SGCZ: variants seen among roughly 807,000 people sequenced by gnomAD.
SGCZ encodes sarcoglycan zeta.
SGCZ carries 40 observed loss-of-function variants against 41.3 expected under a neutral mutation model. The ratio of observed to expected loss-of-function variants is 0.97; its 90% CI spans 0.75 to 1.26. SGCZ has a LOEUF of 1.26. SGCZ is among the 50% of genes most tolerant of loss of function. The pLI, the probability that SGCZ is intolerant of heterozygous loss-of-function variation, is 0.00. For missense variants in SGCZ, 552 were observed against 369.8 expected (o/e 1.49, Z -4.04); for synonymous variants, 206 against 137.5 (o/e 1.50, Z -3.49).
chr8:14,373,604 C>A (rs528684521), intron 2 of SGCZ, among the ~76,000 whole-genome samples: 2 of 152,006 alleles, frequency 1.3e-5, no homozygotes, highest in African/African-American at 2.4e-5. Context: ...AAAACAAAAT[C>A]AAAAACAATT....
intron 1 of SGCZ, among the ~76,000 whole-genome samples, chr8:14,934,950 C>T (rs1317493498): frequency 4.0e-5 from 6 of 149,790 alleles, no homozygotes; most frequent in Non-Finnish European, 7.4e-5. Flanking sequence ...TTCAAAGCCC[C>T]TCAACTTAGA....
intron 1 of SGCZ, among the ~76,000 whole-genome samples, chr8:14,654,806 A>C (rs751440278): frequency 2.6e-5 from 4 of 151,838 alleles, no homozygotes; most frequent in Admixed American, 6.6e-5. Flanking sequence ...AGGTCTCATA[A>C]TTTTGTCATA....
intron 1 of SGCZ, among the ~76,000 whole-genome samples, chr8:14,973,673 T>C (rs1374674144): frequency 3.9e-5 from 6 of 152,162 alleles, no homozygotes; most frequent in African/African-American, 1.4e-4. Context: ...ATGACAGAAA[T>C]AAGCTCTAGG....
intron 1 of SGCZ, among the ~76,000 whole-genome samples, chr8:14,786,998 C>G (rs777121639): frequency 6.6e-6 from 1 of 152,072 alleles, no homozygotes; most frequent in Non-Finnish European, 1.5e-5. Flanking sequence ...GGGACTCTTC[C>G]TAAACTCTTT....
intron 2 of SGCZ, 95 bp downstream of exon 2, chr8:14,554,637 T>G: frequency 1.0e-6 from 1 of 982,258 alleles, no homozygotes; most frequent in East Asian, 2.6e-5. Context: ...TTGTAAATAT[T>G]GATATGAATA....
At chr8:14,241,693 T>G (rs1305149214) in intron 3 of SGCZ, among the ~76,000 whole-genome samples, 2 of 151,426 alleles carry the variant, frequency 1.3e-5, no homozygotes, top group African/African-American at 4.9e-5. Flanking sequence ...ATCCGCCTTC[T>G]TATGTCACTC....
chr8:14,208,056 T>C (rs1805676071), intron 4 of SGCZ, among the ~76,000 whole-genome samples: 1 of 152,178 alleles, frequency 6.6e-6, no homozygotes, highest in Non-Finnish European at 1.5e-5. Context: ...TTAAATCCAA[T>C]CAACTTTCAT....
rs545059621 is a variant in SGCZ at position 14,214,003 on chromosome 8, T to G, written c.424+23589A>C. Among the ~76,000 whole-genome samples, 19 of 151,712 alleles carry G rather than the reference T, an allele frequency of 1.3e-4. No homozygotes were observed. In the South Asian group the frequency reaches 3.9e-3, roughly 31 times the overall value. On this transcript the variant is annotated intron_variant, in intron 4 of 7. Transcript: ENST00000382080. ...TAGCAAGTTCAACATGTTAACTTTTTTCAAGTAGTACAGTATTTAAAGAGA... is the reference window on the plus strand; with the variant it reads ...TAGCAAGTTCAACATGTTAACTTTTGTCAAGTAGTACAGTATTTAAAGAGA...
At chr8:14,567,923 GA>G (rs1249434045) in intron 1 of SGCZ, among the ~76,000 whole-genome samples, 2 of 152,116 alleles carry the variant, frequency 1.3e-5, no homozygotes, top group African/African-American at 4.8e-5. Flanking sequence ...ACATCAGAAG[GA>G]AAAAACTCTG....
intron 3 of SGCZ, among the ~76,000 whole-genome samples, chr8:14,259,502 G>C (rs1008271488): frequency 2.0e-5 from 3 of 146,834 alleles, no homozygotes; most frequent in Non-Finnish European, 4.5e-5. Context: ...GTGTAAGGAA[G>C]GGATCCAGTT....
intron 1 of SGCZ, among the ~76,000 whole-genome samples, chr8:14,813,445 T>A (rs1671544555): frequency 6.6e-6 from 1 of 152,116 alleles, no homozygotes; most frequent in Non-Finnish European, 1.5e-5. Context: ...GAAATGCAAA[T>A]CTGATAAATT....
At chr8:14,197,628 T>C (rs1805308453) in intron 4 of SGCZ, among the ~76,000 whole-genome samples, 2 of 152,192 alleles carry the variant, frequency 1.3e-5, no homozygotes, top group East Asian at 1.9e-4. Flanking sequence ...TATAAAATCT[T>C]CTTAATAAAT....
intron 5 of SGCZ, among the ~76,000 whole-genome samples, chr8:14,124,027 C>G (rs919573570): frequency 9.9e-5 from 15 of 151,980 alleles, no homozygotes; most frequent in African/African-American, 1.7e-4. Flanking sequence ...TCTTTAGGAG[C>G]TGGAAAAGCA....
chr8:15,220,509 T>G (rs926830026), intron 1 of SGCZ, among the ~76,000 whole-genome samples: 1 of 152,048 alleles, frequency 6.6e-6, no homozygotes. Context: ...AAGAGGATCC[T>G]GAAGCATCCA....
At chr8:14,787,614 A>C (rs888289502) in intron 1 of SGCZ, among the ~76,000 whole-genome samples, 1 of 152,022 alleles carries the variant, frequency 6.6e-6, no homozygotes, top group East Asian at 1.9e-4. Context: ...TGGGGGACCA[A>C]AGTGGGCGGA....
chr8:14,109,357 C>G (rs1010028615), intron 5 of SGCZ, among the ~76,000 whole-genome samples: 16 of 151,928 alleles, frequency 1.1e-4, no homozygotes, highest in African/African-American at 3.9e-4. Context: ...TTACCAAAAT[C>G]AAGTGGGAAA....
At chr8:15,134,586 T>G (rs1808041255) in intron 1 of SGCZ, among the ~76,000 whole-genome samples, 1 of 152,150 alleles carries the variant, frequency 6.6e-6, no homozygotes, top group Non-Finnish European at 1.5e-5. Flanking sequence ...TCACAAACTT[T>G]GAAGAACTCT....
intron 1 of SGCZ, among the ~76,000 whole-genome samples, chr8:15,033,490 T>C (rs1803760726): frequency 6.6e-6 from 1 of 152,040 alleles, no homozygotes; most frequent in South Asian, 2.1e-4. Flanking sequence ...CAATATCACC[T>C]TAGTACCTGT....
intron 4 of SGCZ, among the ~76,000 whole-genome samples, chr8:14,209,463 C>A (rs562969592): frequency 6.6e-6 from 1 of 151,934 alleles, no homozygotes; most frequent in Non-Finnish European, 1.5e-5. Context: ...AATGCTGCTT[C>A]GCTTATGATA....
Sources: gnomAD v4.1 joint callset for allele counts (sites outside exome capture counted in the v4.1 genomes callset) on GRCh38, gnomAD v4.1.1 for gene constraint, MANE v1.5 for transcripts, NCBI Gene and HGNC (gene_info 2026-07-23, HGNC 2026-07-21) for gene names.